The following CCNB1 variants were observed in gnomAD, a reference collection of about 807,000 sequenced individuals.
CCNB1 encodes cyclin B1, also known as G2/mitotic-specific cyclin-B1.
CCNB1 carries 26 observed loss-of-function variants against 44.4 expected under a neutral mutation model. The observed-to-expected ratio is 0.59, with a 90% CI of 0.43 to 0.81. CCNB1 has a LOEUF of 0.81. Among genes scored for constraint, CCNB1 ranks in the 40% least tolerant of loss-of-function variants. The pLI is 0.00. For missense variants in CCNB1, 477 were observed against 520.9 expected (o/e 0.92, Z 0.82); for synonymous variants, 195 against 181.4 (o/e 1.08, Z -0.60).
intron 7 of CCNB1, chr5:69,176,927 G>A (rs369237457): frequency 5.8e-4 from 106 of 182,004 alleles, no homozygotes; most frequent in African/African-American, 2.5e-3. Flanking sequence ...GCAGTGAGCC[G>A]AGATCATACC....
At position 69,171,465 on chromosome 5, in the gene CCNB1, A is replaced by AT; in HGVS notation, c.546+15dup. ...GAGACAACTTGAGGTAAGTATTATCATTCGTTTTTTTTCTAAACTGCATCT... is the reference window on the plus strand; with the variant it reads ...GAGACAACTTGAGGTAAGTATTATCATTTCGTTTTTTTTCTAAACTGCATCT... On this transcript the variant is annotated intron_variant, in intron 4 of 8. Transcript: ENST00000256442. The AT allele has an allele frequency of 3.2e-6, 5 of 1,566,364 alleles. No individual in the cohort carries two copies. Among genetic ancestry groups the AT allele is most frequent in the Non-Finnish European group, 4.3e-6 (5 of 1,156,120 alleles).
rs773459622 is a variant in CCNB1, at chr5:69,174,371, A to G, written c.667A>G (p.Met223Val). The G allele has an allele frequency of 2.5e-6, 4 of 1,614,140 alleles. No individual in the cohort carries two copies. Among genetic ancestry groups the G allele is most frequent in the Admixed American group, 1.7e-5 (1 of 60,022 alleles). The change falls in exon 5 of 9, where the codon ATG (methionine) becomes GTG (valine). Residue 223 changes from methionine to valine, a missense_variant. Transcript: ENST00000256442. ...QMKFRLLQETMYMTVSIIDRF... is the reference protein window; with the variant it reads ...QMKFRLLQETVYMTVSIIDRF... ...GAAATTCAGGTTGTTGCAGGAGACC[A>G]TGTACATGACTGTCTCCATTATTGA...
intron 5 of CCNB1, among the ~76,000 whole-genome samples, chr5:69,174,617 C>T (rs1364080469): frequency 2.0e-5 from 3 of 152,016 alleles, no homozygotes; most frequent in South Asian, 2.1e-4. Flanking sequence ...GGCATGGTGG[C>T]GGGCGCCTGT....
Position 69,168,338 on chromosome 5 carries a change from A to AT in CCNB1, c.362dup (p.Leu121PhefsTer3). The AT allele has an allele frequency of 6.2e-7, 1 of 1,614,134 alleles. No individual in the cohort carries two copies. Among genetic ancestry groups the AT allele is most frequent in the African/African-American group, 1.3e-5 (1 of 75,046 alleles). On this transcript the variant is annotated frameshift_variant, in exon 3 of 9. Transcript: ENST00000256442. LOFTEE classifies it high-confidence loss of function. The stretch of plus-strand genomic sequence containing the variant: ...AGAAGAAAAACTTTCGCCTGAGCCT[A>AT]TTTTGGTAAACTTATTCTTACCATT...
intron 3 of CCNB1, among the ~76,000 whole-genome samples, chr5:69,170,951 T>A (rs1043295178): frequency 2.0e-5 from 3 of 152,080 alleles, no homozygotes; most frequent in Admixed American, 6.6e-5. Context: ...AAATGATCAC[T>A]TTTTTCTTTT....
intron 4 of CCNB1, among the ~76,000 whole-genome samples, chr5:69,171,819 CAA>C (rs755456337): frequency 6.6e-6 from 1 of 152,196 alleles, no homozygotes; most frequent in Non-Finnish European, 1.5e-5. Flanking sequence ...AGAATATACT[CAA>C]AGACTACAGC....
At chr5:69,172,842 C>T (rs1747495099) in intron 4 of CCNB1, among the ~76,000 whole-genome samples, 1 of 144,516 alleles carries the variant, frequency 6.9e-6, no homozygotes, top group South Asian at 2.2e-4. Context: ...GGCACAATCT[C>T]GGCTCACTGC....
At chr5:69,176,458 G>C (rs896745605) in intron 7 of CCNB1, among the ~76,000 whole-genome samples, 1 of 151,618 alleles carries the variant, frequency 6.6e-6, no homozygotes, top group African/African-American at 2.4e-5. Flanking sequence ...CTGGGTTCAT[G>C]CCATTCTCCT....
At chr5:69,177,208 G>T in intron 7 of CCNB1, 31 bp from the exon 8 acceptor site, 1 of 1,218,288 alleles carries the variant, frequency 8.2e-7, no homozygotes, top group South Asian at 1.2e-5. Context: ...TTATTGATTT[G>T]AGCATTTTTA....
chr5:69,174,622 G>A (rs552872845), intron 5 of CCNB1, among the ~76,000 whole-genome samples: 3 of 151,980 alleles, frequency 2.0e-5, no homozygotes, highest in Non-Finnish European at 4.4e-5. Context: ...GGTGGCGGGC[G>A]CCTGTAGTCC....
intron 7 of CCNB1, among the ~76,000 whole-genome samples, chr5:69,176,546 T>TTGTA (rs1180688048): frequency 1.3e-5 from 2 of 149,194 alleles, no homozygotes; most frequent in Non-Finnish European, 3.0e-5. Flanking sequence ...ATATATATTT[T>TTGTA]TTTTTAGTAG....
At chr5:69,168,711 T>A (rs772027819) in intron 3 of CCNB1, among the ~76,000 whole-genome samples, 6 of 152,194 alleles carry the variant, frequency 3.9e-5, no homozygotes, top group Non-Finnish European at 8.8e-5. Flanking sequence ...AGCCAAAGGC[T>A]TTGTTATCCA....
rs760028849 is a variant in CCNB1 at position 69,167,495 on chromosome 5, A to G, written c.21+212A>G. The stretch of plus-strand genomic sequence containing the variant: ...GGATGGAGGGAGGAAGGTGAGAAAG[A>G]GAACTGGACGGATATTGGATAAATG... On this transcript the variant is annotated intron_variant, in intron 1 of 8. Transcript: ENST00000256442. The G allele has an allele frequency of 8.7e-6, 5 of 576,314 alleles. No homozygotes were observed. The Admixed American group carries it at 1.3e-4, about 15-fold the overall frequency. The allele number at this position is 576,314 out of a possible 1,614,324, so 35.7% of individuals were successfully genotyped here.
At chr5:69,173,216 G>T (rs1441473399) in intron 4 of CCNB1, among the ~76,000 whole-genome samples, 10 of 152,182 alleles carry the variant, frequency 6.6e-5, no homozygotes, top group Non-Finnish European at 1.3e-4. Context: ...GACTGATGAG[G>T]GGGAATTTAC....
chr5:69,171,159 A>C (rs537679771), intron 3 of CCNB1, 111 bp from the exon 4 acceptor site: 1 of 677,484 alleles, frequency 1.5e-6, no homozygotes, highest in South Asian at 2.1e-5. Flanking sequence ...AATGAATTGT[A>C]TGCCGATTCA....
intron 5 of CCNB1, 110 bp downstream of exon 5, chr5:69,174,519 GC>G: frequency 9.9e-7 from 1 of 1,005,558 alleles, no homozygotes; most frequent in Admixed American, 2.1e-5. Flanking sequence ...ATCCCAGCGG[GC>G]GGGTGGATCA....
At chr5:69,176,283 A>C (rs1202698965) in intron 7 of CCNB1, among the ~76,000 whole-genome samples, 2 of 151,550 alleles carry the variant, frequency 1.3e-5, no homozygotes, top group African/African-American at 4.8e-5. Context: ...TTGAAGGTCA[A>C]ATGACATACT....
At chr5:69,169,329 T>C (rs1173051078) in intron 3 of CCNB1, among the ~76,000 whole-genome samples, 1 of 152,198 alleles carries the variant, frequency 6.6e-6, no homozygotes, top group Non-Finnish European at 1.5e-5. Context: ...AGTGCTGGGA[T>C]TACAGGCGTT....
At chr5:69,171,639 A>G (rs1747461946) in intron 4 of CCNB1, among the ~76,000 whole-genome samples, 187 bp downstream of exon 4, 1 of 152,184 alleles carries the variant, frequency 6.6e-6, no homozygotes, top group Non-Finnish European at 1.5e-5. Flanking sequence ...TCTATTTGTC[A>G]CTTTGTGCAG....
Sources: allele counts gnomAD v4.1 joint callset (sites outside exome capture counted in the v4.1 genomes callset), GRCh38; gene constraint gnomAD v4.1.1; transcripts MANE v1.5; gene names NCBI Gene and HGNC (gene_info 2026-07-23, HGNC 2026-07-21).